SEMA6A: variants seen among roughly 807,000 people sequenced by gnomAD.
The protein encoded by SEMA6A is semaphorin-6A.
A neutral mutation model predicts 96.8 loss-of-function variants in SEMA6A; 25 were observed. The ratio of observed to expected loss-of-function variants is 0.26; its 90% CI spans 0.19 to 0.36. SEMA6A has a LOEUF of 0.36. Among genes scored for constraint, SEMA6A ranks in the 10% least tolerant of loss-of-function variants. The pLI, the probability that SEMA6A is intolerant of heterozygous loss-of-function variation, is 1.00. For missense variants in SEMA6A, 1,363 were observed against 1,323.1 expected (o/e 1.03, Z -0.47); for synonymous variants, 612 against 518.0 (o/e 1.18, Z -2.46).
chr5:116,486,093 T>C (rs901206453), intron 10 of SEMA6A, among the ~76,000 whole-genome samples: 4 of 152,218 alleles, frequency 2.6e-5, no homozygotes, highest in African/African-American at 9.6e-5. Context: ...CACTAGAGCC[T>C]TCCAGAGTCA....
At chr5:116,490,674 C>A (rs1326019193) in intron 7 of SEMA6A, among the ~76,000 whole-genome samples, 1 of 152,188 alleles carries the variant, frequency 6.6e-6, no homozygotes, top group East Asian at 1.9e-4. Context: ...CACTGCAGAT[C>A]CAGGCCCACA....
chr5:116,458,950 A>C (rs1425554862), intron 18 of SEMA6A, among the ~76,000 whole-genome samples: 1 of 152,174 alleles, frequency 6.6e-6, no homozygotes, highest in African/African-American at 2.4e-5. Context: ...TTGAGAGCCC[A>C]GCACCTGACT....
intron 1 of SEMA6A, among the ~76,000 whole-genome samples, chr5:116,544,782 CA>C (rs1220716347): frequency 6.6e-6 from 1 of 152,188 alleles, no homozygotes; most frequent in Non-Finnish European, 1.5e-5. Flanking sequence ...GCAACTATGC[CA>C]GGGGGAAAAC....
rs774303311 is a variant in SEMA6A, at chr5:116,480,184, CG to C, written c.1187del (p.Pro396ArgfsTer17). On this transcript the variant is annotated frameshift_variant, in exon 12 of 19. Transcript: ENST00000343348. LOFTEE classifies it high-confidence loss of function. Reference protein sequence around the residue: ...DDTLNFIKTHPLMDEAVPSIF... With the variant: ...DDTLNFIKTHXLMDEAVPSIF... ...TGGAGGGCACTGCCTCATCCATGAG[CG>C]GGTGCGTCTTGATGAAGTTCAGGGT... 1 of 1,613,840 alleles carries C rather than the reference CG, an allele frequency of 6.2e-7. No homozygotes were observed. Among genetic ancestry groups the C allele is most frequent in the Non-Finnish European group, 8.5e-7 (1 of 1,179,802 alleles).
At position 116,488,058 on chromosome 5, in the gene SEMA6A, G is replaced by C. The variant is rs780568406; in HGVS notation, c.744+50C>G. The C allele has an allele frequency of 6.7e-6, 8 of 1,193,966 alleles. No homozygotes were observed. The Admixed American group carries it at 7.6e-5, about 11-fold the overall frequency. 74.0% of individuals were successfully genotyped at this position (1,193,966 alleles called of 1,614,324 possible). A position where few individuals can be genotyped will look rare whatever the true frequency, so the allele number is the denominator to read the frequency against. ...TATAACAACATTTGACCAAAGGTGT[G>C]GGTTTCTGAAAATGTTACAAACTGA... On this transcript the variant is annotated intron_variant, in intron 9 of 18. Coordinates refer to ENST00000343348, the MANE Select transcript of SEMA6A (RefSeq NM_020796.5).
In SEMA6A at chr5:116,574,221, G is replaced by C. The variant is rs1055570207; in HGVS notation, c.-75C>G. The C allele has an allele frequency of 1.3e-5, 2 of 152,310 alleles. No individual in the cohort carries two copies. The highest frequency in any genetic ancestry group is 2.9e-5 in the Non-Finnish European group (2 of 67,952). 9.4% of individuals were successfully genotyped at this position (152,310 alleles called of 1,614,324 possible). A position where few individuals can be genotyped will look rare whatever the true frequency, so the allele number is the denominator to read the frequency against. ...ATCGACGGACAGGCGGCCGGGGCTCGGAGCGAACTGGTACAGCGTGTATCC... is the reference window on the plus strand; with the variant it reads ...ATCGACGGACAGGCGGCCGGGGCTCCGAGCGAACTGGTACAGCGTGTATCC... On this transcript the variant is annotated 5_prime_UTR_variant, in exon 1 of 19. Coordinates refer to ENST00000343348, the MANE Select transcript of SEMA6A (RefSeq NM_020796.5).
intron 1 of SEMA6A, among the ~76,000 whole-genome samples, chr5:116,524,238 G>A (rs76269166): frequency 0.01 from 1,527 of 152,262 alleles, 6 homozygotes; most frequent in Non-Finnish European, 0.015. Flanking sequence ...ACTGCACGAG[G>A]AAGCCTATCT....
At chr5:116,493,919 T>C (rs1259710457) in intron 6 of SEMA6A, among the ~76,000 whole-genome samples, 4 of 152,204 alleles carry the variant, frequency 2.6e-5, no homozygotes, top group African/African-American at 9.6e-5. Context: ...ATTCTCATAC[T>C]GTGCAAAATG....
chr5:116,476,834 G>C (rs1756475415), intron 15 of SEMA6A, among the ~76,000 whole-genome samples: 1 of 152,168 alleles, frequency 6.6e-6, no homozygotes, highest in Non-Finnish European at 1.5e-5. Flanking sequence ...TACTTGCAAA[G>C]CTGTTCTAAT....
intron 1 of SEMA6A, among the ~76,000 whole-genome samples, chr5:116,506,633 A>G (rs1021378163): frequency 6.6e-6 from 1 of 152,028 alleles, no homozygotes. Context: ...AGTAAAACAT[A>G]AACAAGACAC....
At chr5:116,523,046 G>A (rs1759033064) in intron 1 of SEMA6A, among the ~76,000 whole-genome samples, 1 of 152,178 alleles carries the variant, frequency 6.6e-6, no homozygotes, top group Admixed American at 6.5e-5. Context: ...CAAGGATGTG[G>A]TCAATGAGTT....
At chr5:116,559,746 G>C (rs1217531444) in intron 1 of SEMA6A, among the ~76,000 whole-genome samples, 1 of 152,160 alleles carries the variant, frequency 6.6e-6, no homozygotes, top group Non-Finnish European at 1.5e-5. Flanking sequence ...CAGCTCCCCA[G>C]AGGTGATACC....
At position 116,447,598 on chromosome 5, in the gene SEMA6A, G is replaced by A; in HGVS notation, c.2108C>T (p.Thr703Ile). The change falls in exon 19 of 19, where the codon ACC becomes ATC. Residue 703 changes from threonine to isoleucine, a missense_variant. Thr to Ile is a moderately conservative substitution (Grantham distance 89). This residue lies in a region of SEMA6A where 883 missense variants were observed against 763.6 expected (regional missense o/e 1.16). Transcript: ENST00000343348. ...GTCCCCAAAGAGGCCGCTGAGCTTG[G>A]TGACGCTGCTCATGGAGCCCCGGCG... ...HSRRGSMSSVTKLSGLFGDTQ... is the reference protein window; with the variant it reads ...HSRRGSMSSVIKLSGLFGDTQ... The A allele has an allele frequency of 1.2e-6, 2 of 1,614,054 alleles. No individual in the cohort carries two copies. The highest frequency in any genetic ancestry group is 2.2e-5 in the South Asian group (2 of 91,090).
chr5:116,570,110 T>C (rs1761149525), intron 1 of SEMA6A, among the ~76,000 whole-genome samples: 1 of 152,218 alleles, frequency 6.6e-6, no homozygotes, highest in Non-Finnish European at 1.5e-5. Context: ...GAAGTTGTCC[T>C]GAACTCCTCC....
In SEMA6A at chr5:116,446,959, T is replaced by C. The variant is rs755450656; in HGVS notation, c.2747A>G (p.Tyr916Cys). ...MHHSSSYGVD[Y>C]KRSYPTNSLT... ...CGAGTTCGTGGGGTAGCTCCTCTTATAGTCAACCCCGTAGGAAGAGGAGTG... is the reference window on the plus strand; with the variant it reads ...CGAGTTCGTGGGGTAGCTCCTCTTACAGTCAACCCCGTAGGAAGAGGAGTG... The change falls in exon 19 of 19, where the codon TAT (tyrosine) becomes TGT (cysteine). Residue 916 changes from tyrosine to cysteine, a missense_variant. By Grantham distance (194) the Tyr-to-Cys change is radical (BLOSUM62 -2). Coordinates refer to ENST00000343348, the MANE Select transcript of SEMA6A (RefSeq NM_020796.5). 14 of 1,613,800 alleles carry C rather than the reference T, an allele frequency of 8.7e-6. No individual in the cohort carries two copies. Among genetic ancestry groups the C allele is most frequent in the South Asian group, 1.1e-5 (1 of 91,078 alleles).
chr5:116,513,133 T>C (rs921948969), intron 1 of SEMA6A, among the ~76,000 whole-genome samples: 1 of 151,788 alleles, frequency 6.6e-6, no homozygotes, highest in Non-Finnish European at 1.5e-5. Flanking sequence ...GCTATCTTTT[T>C]TTTTTTCCCC....
intron 18 of SEMA6A, among the ~76,000 whole-genome samples, chr5:116,461,917 C>T (rs1755430564): frequency 6.6e-6 from 1 of 152,106 alleles, no homozygotes; most frequent in Non-Finnish European, 1.5e-5. Flanking sequence ...ATAAATTCTG[C>T]TTGAGACACC....
At chr5:116,463,134 G>C (rs1580384348) in intron 18 of SEMA6A, among the ~76,000 whole-genome samples, 1 of 152,192 alleles carries the variant, frequency 6.6e-6, no homozygotes, top group Non-Finnish European at 1.5e-5. Context: ...TTGTCAAAAA[G>C]AGATAGTAGC....
chr5:116,531,660 T>C (rs1759484734), intron 1 of SEMA6A, among the ~76,000 whole-genome samples: 1 of 152,138 alleles, frequency 6.6e-6, no homozygotes, highest in Non-Finnish European at 1.5e-5. Context: ...ATTCTTTGAT[T>C]CTCCATTTTA....
Sources: gnomAD v4.1 joint callset for allele counts (sites outside exome capture counted in the v4.1 genomes callset) on GRCh38, gnomAD v4.1.1 for gene constraint, gnomAD v4.1.1 regional missense constraint, MANE v1.5 for transcripts, NCBI Gene and HGNC (gene_info 2026-07-23, HGNC 2026-07-21) for gene names.